The following ALG9 variants were observed in gnomAD, a reference collection of about 807,000 sequenced individuals.
ALG9 encodes the protein ALG9 alpha-1,2-mannosyltransferase, also known as alpha-1,2-mannosyltransferase ALG9.
ALG9 carries 55 observed loss-of-function variants against 81.8 expected under a neutral mutation model. The ratio of observed to expected loss-of-function variants is 0.67; its 90% CI spans 0.54 to 0.84. The LOEUF (loss-of-function observed/expected upper bound fraction) is 0.84, where lower values mean the gene tolerates loss of function less well. ALG9 is among the 40% of genes least tolerant of loss of function. ALG9 has a pLI of 0.00. For synonymous variants in ALG9, 278 were observed against 274.3 expected (o/e 1.01, Z -0.13); for missense variants, 629 against 745.0 (o/e 0.84, Z 1.81).
the ALG9 span, chr11:111,769,283 C>A: frequency 7.3e-6 from 1 of 136,752 alleles, no homozygotes; most frequent in Non-Finnish European, 1.6e-5. Flanking sequence ...TGCGCTCCAC[C>A]CTGGGTGAGA....
chr11:111,847,756 C>G (rs1957141871), intron 8 of ALG9, among the ~76,000 whole-genome samples: 1 of 152,116 alleles, frequency 6.6e-6, no homozygotes, highest in Non-Finnish European at 1.5e-5. Flanking sequence ...TCCAAACACT[C>G]CTTCTTTCTT....
intron 6 of ALG9, among the ~76,000 whole-genome samples, 188 bp downstream of exon 6, chr11:111,857,414 A>G (rs1958878847): frequency 6.6e-6 from 1 of 152,238 alleles, no homozygotes; most frequent in African/African-American, 2.4e-5. Flanking sequence ...CAGATGCTCA[A>G]TGGTCATTAT....
At chr11:111,773,758 CTT>C in the ALG9 span, among the ~76,000 whole-genome samples, 13 of 139,446 alleles carry the variant, frequency 9.3e-5, no homozygotes, top group Non-Finnish European at 1.2e-4. Flanking sequence ...TTTGTTTTTG[CTT>C]TTTTTTTTTT....
At chr11:111,847,011 G>A (rs1957041569) in intron 8 of ALG9, among the ~76,000 whole-genome samples, 1 of 151,978 alleles carries the variant, frequency 6.6e-6, no homozygotes, top group Non-Finnish European at 1.5e-5. Flanking sequence ...ATGAGCTAAG[G>A]GAAGCTTTCA....
At chr11:111,847,252 A>G (rs1266810010) in intron 8 of ALG9, among the ~76,000 whole-genome samples, 1 of 152,140 alleles carries the variant, frequency 6.6e-6, no homozygotes, top group Non-Finnish European at 1.5e-5. Context: ...TCTAAGCAGG[A>G]CTGATAAGAC....
downstream of ALG9, among the ~76,000 whole-genome samples, chr11:111,777,496 T>C (rs1221921866): frequency 6.6e-6 from 1 of 152,194 alleles, no homozygotes; most frequent in Admixed American, 6.5e-5. Context: ...GGAAGACTTA[T>C]GACAGCATGG....
chr11:111,851,088 T>G (rs1592285356), intron 8 of ALG9, among the ~76,000 whole-genome samples: 2 of 152,106 alleles, frequency 1.3e-5, no homozygotes, highest in Admixed American at 1.3e-4. Flanking sequence ...ACCACAGGGG[T>G]TCCTGACTGA....
chr11:111,853,621 G>C, intron 7 of ALG9, 28 bp downstream of exon 7: 2 of 1,607,106 alleles, frequency 1.2e-6, no homozygotes, highest in Non-Finnish European at 1.7e-6. Flanking sequence ...ACAACTTTAG[G>C]ACAAAGCAAG....
chr11:111,859,461 T>G (rs1471143311), intron 5 of ALG9, among the ~76,000 whole-genome samples: 1 of 150,572 alleles, frequency 6.6e-6, no homozygotes, highest in East Asian at 2.0e-4. Context: ...CGAGATGGCA[T>G]CACTGCACTC....
intron 13 of ALG9, among the ~76,000 whole-genome samples, chr11:111,832,446 A>T (rs983670452): frequency 4.1e-5 from 6 of 147,934 alleles, no homozygotes; most frequent in Middle Eastern, 3.5e-3. Context: ...TGGCTAATTT[A>T]TTTTTTTTTT....
intron 10 of ALG9, 34 bp from the exon 11 acceptor site, chr11:111,838,433 A>G (rs1292460520): frequency 3.8e-6 from 6 of 1,562,952 alleles, no homozygotes; most frequent in South Asian, 1.1e-5. Context: ...TAGAATATAC[A>G]TAATTACAAG....
intron 8 of ALG9, among the ~76,000 whole-genome samples, chr11:111,846,785 G>A (rs1957010322): frequency 1.3e-5 from 2 of 152,168 alleles, no homozygotes; most frequent in Non-Finnish European, 2.9e-5. Flanking sequence ...GGAAAGCAAA[G>A]GGTATAAACT....
the ALG9 span, among the ~76,000 whole-genome samples, chr11:111,770,774 T>A: frequency 7.9e-5 from 12 of 152,190 alleles, no homozygotes; most frequent in Non-Finnish European, 1.8e-4. Flanking sequence ...GCACTACCAA[T>A]ACAGTACTGT....
At chr11:111,824,012 C>T (rs1353398798) in intron 13 of ALG9, among the ~76,000 whole-genome samples, 3 of 152,178 alleles carry the variant, frequency 2.0e-5, no homozygotes, top group Admixed American at 6.5e-5. Flanking sequence ...TGAAGCCCAA[C>T]TGGATGATAT....
downstream of ALG9, among the ~76,000 whole-genome samples, chr11:111,780,068 G>A (rs903072813): frequency 1.4e-4 from 22 of 152,166 alleles, no homozygotes; most frequent in African/African-American, 5.1e-4. Flanking sequence ...TATGGCTACG[G>A]TCATCTTGCA....
chr11:111,776,175 A>C, the ALG9 span, among the ~76,000 whole-genome samples: 1 of 152,076 alleles, frequency 6.6e-6, no homozygotes, highest in African/African-American at 2.4e-5. Context: ...AAAATAAATA[A>C]ATAAATAACA....
Position 111,785,437 on chromosome 11 carries a change from C to T in ALG9, c.*960G>A, listed in dbSNP as rs953650030. 1.3e-5 allele frequency: 2 copies of T among 152,814 alleles called. No homozygotes were observed. 9.5% of individuals were successfully genotyped at this position (152,814 alleles called of 1,614,324 possible). ...GCCCCATGCAGGATGTGCCTCACAA[C>T]AGACAGAACTAAAAAATAGGTGCTA... On this transcript the variant is annotated 3_prime_UTR_variant, in exon 15 of 15. Coordinates refer to ENST00000616540, the MANE Select transcript of ALG9 (RefSeq NM_024740.2).
At chr11:111,773,233 C>T in the ALG9 span, among the ~76,000 whole-genome samples, 1 of 151,992 alleles carries the variant, frequency 6.6e-6, no homozygotes, top group African/African-American at 2.4e-5. Flanking sequence ...TCTCCTTTAG[C>T]CACAATGGTA....
rs556073083 is a variant in ALG9, at chr11:111,857,485, T to A, written c.701+117A>T. The A allele has an allele frequency of 1.2e-5, 16 of 1,357,206 alleles. No individual in the cohort carries two copies. The African/African-American group carries it at 2.3e-4, about 20-fold the overall frequency. The allele number at this position is 1,357,206 out of a possible 1,614,324, so 84.1% of individuals were successfully genotyped here. ...AGAAATATTCTTCCATTTCCCAGAA[T>A]CTTTGAAAGCCCAATTGATTAACTT... is the stretch of plus-strand genomic sequence containing the variant. On this transcript the variant is annotated intron_variant, in intron 6 of 14. Transcript: ENST00000616540.
Sources: allele counts gnomAD v4.1 joint callset (sites outside exome capture counted in the v4.1 genomes callset), GRCh38; gene constraint gnomAD v4.1.1; transcripts MANE v1.5; gene names NCBI Gene and HGNC (gene_info 2026-07-23, HGNC 2026-07-21).